Variants in RBM4 observed in about 807,000 individuals in gnomAD.
RBM4 encodes RNA binding motif protein 4.
Under a neutral mutation model 29.5 loss-of-function variants are expected in RBM4, and 7 were observed. That is an observed-to-expected ratio of 0.24 (90% CI 0.14 to 0.45). RBM4 has a LOEUF of 0.45. Ranked by LOEUF, RBM4 falls within the 20% of genes least tolerant of loss-of-function variation. The pLI is 1.00. For missense variants in RBM4, 387 were observed against 502.3 expected (o/e 0.77, Z 2.19); for synonymous variants, 220 against 205.4 (o/e 1.07, Z -0.61).
intron 2 of RBM4, among the ~76,000 whole-genome samples, chr11:66,642,222 T>A (rs1242935154): frequency 6.6e-6 from 1 of 152,242 alleles, no homozygotes; most frequent in Non-Finnish European, 1.5e-5. Context: ...GCAAGGAAAA[T>A]TGTGTGTTTA....
At chr11:66,650,888 A>G (rs147851800), downstream of RBM4, among the ~76,000 whole-genome samples, 12 of 151,950 alleles carry the variant, frequency 7.9e-5, no homozygotes, top group East Asian at 1.9e-3. Flanking sequence ...ATAATAATAA[A>G]TTTAAAAATG....
At chr11:66,662,156 ACTG>A (rs1187127566) in intron 2 of RBM4, among the ~76,000 whole-genome samples, 3 of 152,126 alleles carry the variant, frequency 2.0e-5, no homozygotes, top group Admixed American at 6.6e-5. Flanking sequence ...TACTATCTAA[ACTG>A]CTGTCCAATA....
intron 2 of RBM4, among the ~76,000 whole-genome samples, chr11:66,655,837 T>G (rs1184442678): frequency 6.6e-6 from 1 of 152,142 alleles, no homozygotes; most frequent in African/African-American, 2.4e-5. Context: ...AGTCAACTAG[T>G]CTTGTAGGTT....
rs536464449 is a variant in RBM4 at position 66,659,838 on chromosome 11, C to T, written c.413-6018C>T. Among the ~76,000 whole-genome samples the T allele has an allele frequency of 2.6e-5, 4 of 152,316 alleles. No homozygotes were observed. The East Asian group carries it at 7.7e-4, about 29-fold the overall frequency. ...CTCCCACCAAGATGACTACAGTGACCTCCAGGTCCATCTTTTTCTTACCCT... is the reference window on the plus strand; with the variant it reads ...CTCCCACCAAGATGACTACAGTGACTTCCAGGTCCATCTTTTTCTTACCCT... On this transcript the variant is annotated intron_variant, in intron 2 of 2. Coordinates refer to the RBM4 transcript ENST00000396053.
Position 66,643,724 on chromosome 11 carries a change from G to T in RBM4, c.687G>T (p.Arg229=), listed in dbSNP as rs1236402584. ...ACTACAAGCGCTGCCGTGCTGCCCG[G>T]TCCTATGAGGCAGTGGCAGCTGCAG... The part of the protein sequence containing the change: ...DAYYKRCRAA[R]SYEAVAAAAA... The change falls in exon 3 of 4, where the codon CGG becomes CGT. Residue 229 remains arginine, a synonymous_variant. Coordinates refer to ENST00000310092, the MANE Select transcript of RBM4 (RefSeq NM_002896.4). This position sits in a 1 kb window ranked among gnomAD's most constrained non-coding sequence, Gnocchi z 6.1. 1 of 1,613,996 alleles carries T rather than the reference G, an allele frequency of 6.2e-7. No individual in the cohort carries two copies. Among genetic ancestry groups the T allele is most frequent in the African/African-American group, 1.3e-5 (1 of 74,902 alleles).
intron 1 of RBM4, 51 bp from the exon 2 acceptor site, chr11:66,639,649 A>G (rs1303021064): frequency 1.2e-5 from 19 of 1,574,194 alleles, no homozygotes; most frequent in Non-Finnish European, 1.6e-5. Flanking sequence ...TCTTTTGTGA[A>G]CGGATGTGGG....
chr11:66,660,924 G>C (rs2135217547), intron 2 of RBM4, among the ~76,000 whole-genome samples: 1 of 152,290 alleles, frequency 6.6e-6, no homozygotes, highest in South Asian at 2.1e-4. Context: ...CAAAGTGCTG[G>C]GATTACAGGC....
chr11:66,647,725 C>A (rs528756465), downstream of RBM4, among the ~76,000 whole-genome samples: 9 of 152,236 alleles, frequency 5.9e-5, no homozygotes, highest in South Asian at 1.9e-3. Flanking sequence ...TTGAGTGATA[C>A]TCTGGAAGGT....
At position 66,639,747 on chromosome 11, in the gene RBM4, G is replaced by T. The variant is rs757215303; in HGVS notation, c.36G>T (p.Glu12Asp). 6.2e-7 allele frequency: 1 copy of T among 1,614,150 alleles called. No homozygotes were observed. Residue 12 changes from glutamate to aspartate, a missense_variant, in exon 2 of 4, where the codon GAG (glutamate) becomes GAT (aspartate). By Grantham distance (45) the Glu-to-Asp change is conservative (BLOSUM62 2). This residue lies in a region of RBM4 where 106 missense variants were observed against 213.6 expected (regional missense o/e 0.50). Coordinates refer to ENST00000310092, the MANE Select transcript of RBM4 (RefSeq NM_002896.4). ...TGTTCATCGGAAACCTGCCCCGGGA[G>T]GCTACAGAGCAGGAGATTCGCTCAC... ...VKLFIGNLPR[E>D]ATEQEIRSLF...
At chr11:66,641,879 T>C (rs1938480327) in intron 2 of RBM4, among the ~76,000 whole-genome samples, 1 of 152,226 alleles carries the variant, frequency 6.6e-6, no homozygotes, top group South Asian at 2.1e-4. Context: ...CTTTTAGATA[T>C]TTTTTAAAAT....
At chr11:66,639,465 C>T (rs371919626) in intron 1 of RBM4, 3 of 577,258 alleles carry the variant, frequency 5.2e-6, no homozygotes, top group African/African-American at 3.7e-5. Flanking sequence ...TTACCAAACC[C>T]TTTGTCTACT....
chr11:66,644,223 C>T, intron 3 of RBM4, 83 bp downstream of exon 3: 2 of 1,509,964 alleles, frequency 1.3e-6, no homozygotes, highest in Non-Finnish European at 1.8e-6. Flanking sequence ...GCCCTGCTTG[C>T]TTGCTTGCTT....
At chr11:66,639,539 C>T (rs1590859096) in intron 1 of RBM4, 161 bp from the exon 2 acceptor site, 5 of 893,566 alleles carry the variant, frequency 5.6e-6, no homozygotes, top group South Asian at 5.4e-5. Flanking sequence ...CTATAGCAGG[C>T]CTTAGTTCAC....
chr11:66,664,174 T>C (rs80245176), intron 2 of RBM4, among the ~76,000 whole-genome samples: 1 of 146,606 alleles, frequency 6.8e-6, no homozygotes, highest in African/African-American at 2.5e-5. Context: ...CCCAGCTGTT[T>C]TTTTTTTTTT....
At position 66,643,449 on chromosome 11, in the gene RBM4, G is replaced by T; in HGVS notation, c.413-1G>T. ...ACCCTTCTTGCGTCTGTTTCTTCAA[G>T]GCAAACGAATGCACGTGCAGTTGTC... On this transcript the variant is annotated splice_acceptor_variant, in intron 2 of 3. Transcript: ENST00000310092. LOFTEE classifies it high-confidence loss of function. The surrounding 1 kb of genome is among the most constrained non-coding windows in gnomAD (Gnocchi z 6.1). 6.2e-7 allele frequency: 1 copy of T among 1,602,600 alleles called. No individual in the cohort carries two copies. The highest frequency in any genetic ancestry group is 8.5e-7 in the Non-Finnish European group (1 of 1,171,876).
chr11:66,661,912 C>G (rs1418644971), intron 2 of RBM4, among the ~76,000 whole-genome samples: 1 of 152,112 alleles, frequency 6.6e-6, no homozygotes, highest in East Asian at 1.9e-4. Flanking sequence ...CGACTGTGAT[C>G]CCAGCTACTG....
At chr11:66,645,925 A>G in intron 3 of RBM4, 102 bp from the exon 4 acceptor site, 1 of 1,525,214 alleles carries the variant, frequency 6.6e-7, no homozygotes, top group Non-Finnish European at 8.8e-7. Flanking sequence ...GTAAACTTAA[A>G]AGGAGTGTCA....
chr11:66,666,061 G>A, exon 3 of RBM4: 1 of 1,098,050 alleles, frequency 9.1e-7, no homozygotes, highest in Non-Finnish European at 1.3e-6. Flanking sequence ...CAAGGGGTAG[G>A]ATATCAAGGA....
chr11:66,657,682 CAAAAAAAAA>C (rs763265823), intron 2 of RBM4, among the ~76,000 whole-genome samples: 3 of 28,072 alleles, frequency 1.1e-4, no homozygotes, highest in Non-Finnish European at 1.5e-4. Context: ...GATTCCATCT[CAAAAAAAAA>C]AAAAAAAAAA....
Sources: allele counts gnomAD v4.1 joint callset (sites outside exome capture counted in the v4.1 genomes callset), GRCh38; gene constraint gnomAD v4.1.1; regional missense constraint gnomAD v4.1.1; non-coding constraint Gnocchi (gnomAD v3.1); transcripts MANE v1.5; gene names NCBI Gene and HGNC (gene_info 2026-07-23, HGNC 2026-07-21).